The following PIGT variants were observed in gnomAD, a reference collection of about 807,000 sequenced individuals.
PIGT encodes the protein GPI-anchor transamidase component PIGT.
Under a neutral mutation model 66.7 loss-of-function variants are expected in PIGT, and 57 were observed. The observed-to-expected ratio is 0.86, with a 90% CI of 0.69 to 1.07. The LOEUF (loss-of-function observed/expected upper bound fraction) is 1.07, where lower values mean the gene tolerates loss of function less well. Among genes scored for constraint, PIGT ranks in the 50% least tolerant of loss-of-function variants. The pLI, the probability that PIGT is intolerant of heterozygous loss-of-function variation, is 0.00. For synonymous variants in PIGT, 362 were observed against 320.5 expected (o/e 1.13, Z -1.38); for missense variants, 725 against 740.4 (o/e 0.98, Z 0.24).
At position 45,418,558 on chromosome 20, in the gene PIGT, G is replaced by A. The variant is rs1990134096; in HGVS notation, c.366-294G>A. The A allele has an allele frequency of 1.3e-5, 5 of 381,580 alleles. No individual in the cohort carries two copies. In the East Asian group the frequency reaches 3.3e-4, roughly 25 times the overall value. The allele number at this position is 381,580 out of a possible 1,614,324, so 23.6% of individuals were successfully genotyped here. On this transcript the variant is annotated intron_variant, in intron 2 of 11. Coordinates refer to ENST00000279036, the MANE Select transcript of PIGT (RefSeq NM_015937.6). ...GAGGTAAGCACTGGAGCCGGATCATGAAGGTAGGCAGAAAGAAGTTAGCAA... is the reference window on the plus strand; with the variant it reads ...GAGGTAAGCACTGGAGCCGGATCATAAAGGTAGGCAGAAAGAAGTTAGCAA...
intron 9 of PIGT, chr20:45,421,968 G>A (rs1379527127): frequency 6.3e-6 from 1 of 159,584 alleles, no homozygotes; most frequent in Admixed American, 6.4e-5. Flanking sequence ...AGCTGGAGTA[G>A]ATGGTGTTTT....
intron 8 of PIGT, 151 bp from the exon 9 acceptor site, chr20:45,421,232 A>G: frequency 6.3e-6 from 4 of 635,308 alleles, no homozygotes; most frequent in Non-Finnish European, 5.4e-6. Flanking sequence ...GAAGACAGGG[A>G]TGATTCCAGA....
chr20:45,416,405 G>A, intron 1 of PIGT, 62 bp downstream of exon 1: 8 of 1,552,388 alleles, frequency 5.2e-6, no homozygotes, highest in Non-Finnish European at 7.0e-6. Flanking sequence ...GGCCGGCCGT[G>A]GGATGAAGGC....
chr20:45,416,479 A>T (rs1989981116), intron 1 of PIGT, 38 bp from the exon 2 acceptor site: 2 of 1,599,696 alleles, frequency 1.3e-6, no homozygotes, highest in African/African-American at 1.3e-5. Context: ...GACCCCGACG[A>T]GGTGGGGATC....
Position 45,426,083 on chromosome 20 carries a change from C to A in PIGT, c.*257C>A. On this transcript the variant is annotated 3_prime_UTR_variant, in exon 12 of 12. Coordinates refer to ENST00000279036, the MANE Select transcript of PIGT (RefSeq NM_015937.6). Reference sequence around the variant, plus strand: ...GAGGTGCTCAATAAGCAAAAGTGGTCGGTGGCTGCTGTATTGGACAGCACA... The same window carrying A: ...GAGGTGCTCAATAAGCAAAAGTGGTAGGTGGCTGCTGTATTGGACAGCACA... 3 of 551,938 alleles carry A rather than the reference C, an allele frequency of 5.4e-6. No individual in the cohort carries two copies. The South Asian group carries it at 6.6e-5, about 12-fold the overall frequency. The allele number at this position is 551,938 out of a possible 1,614,324, so 34.2% of individuals were successfully genotyped here. A position where few individuals can be genotyped will look rare whatever the true frequency, so the allele number is the denominator to read the frequency against.
chr20:45,425,625 G>C lies in PIGT; in HGVS notation c.1536G>C (p.Pro512=). The C allele has an allele frequency of 6.2e-7, 1 of 1,613,918 alleles. No individual in the cohort carries two copies. The highest frequency in any genetic ancestry group is 8.5e-7 in the Non-Finnish European group (1 of 1,179,954). Residue 512 remains proline (P), a synonymous_variant, in exon 12 of 12, where the codon CCG becomes CCC. Coordinates refer to ENST00000279036, the MANE Select transcript of PIGT (RefSeq NM_015937.6). ...SNYFVRLYTE[P]LLVNLPTPDF... ...ACTTTGTGCGGCTCTACACGGAGCC[G>C]CTGCTGGTGAACCTGCCGACACCGG...
chr20:45,424,421 C>T (rs1298311183), intron 10 of PIGT, 40 bp downstream of exon 10: 1 of 1,613,596 alleles, frequency 6.2e-7, no homozygotes, highest in African/African-American at 1.3e-5. Context: ...ATCCCCCTGA[C>T]CTACCCTTTC....
Position 45,416,641 on chromosome 20 carries a change from G to T in PIGT, c.312G>T (p.Leu104=), listed in dbSNP as rs762795664. 6.2e-7 allele frequency: 1 copy of T among 1,614,124 alleles called. No homozygotes were observed. Among genetic ancestry groups the T allele is most frequent in the Non-Finnish European group, 8.5e-7 (1 of 1,180,012 alleles). The change falls in exon 2 of 12, where the codon CTG becomes CTT. Residue 104 remains leucine, a synonymous_variant. Coordinates refer to ENST00000279036, the MANE Select transcript of PIGT (RefSeq NM_015937.6). The part of the protein sequence containing the change: ...WRTRYWGPPF[L]QAPSGAELWV... Reference sequence around the variant, plus strand: ...CCCGATACTGGGGGCCACCCTTCCTGCAGGCCCCATCAGGTGCAGAGCTGT... The same window carrying T: ...CCCGATACTGGGGGCCACCCTTCCTTCAGGCCCCATCAGGTGCAGAGCTGT...
intron 11 of PIGT, 185 bp from the exon 12 acceptor site, chr20:45,425,389 T>TCCCCC: frequency 2.2e-6 from 1 of 457,826 alleles, no homozygotes; most frequent in South Asian, 2.0e-5. Context: ...TCCCTCCCCT[T>TCCCCC]GCCCCCCGCC....
intron 8 of PIGT, 107 bp from the exon 9 acceptor site, chr20:45,421,272 CTGTT>C (rs1489922768): frequency 1.3e-5 from 10 of 760,254 alleles, no homozygotes; most frequent in Non-Finnish European, 1.9e-5. Flanking sequence ...AGTGGCAGGG[CTGTT>C]CCCCATCTAC....
At chr20:45,419,933 T>G (rs1354159903) in intron 5 of PIGT, 3 of 606,402 alleles carry the variant, frequency 4.9e-6, no homozygotes, top group African/African-American at 3.7e-5. Flanking sequence ...CTCCTAGGGT[T>G]GTTGTGATAG....
At position 45,416,164 on chromosome 20, in the gene PIGT, C is replaced by A; in HGVS notation, c.8C>A (p.Ala3Glu). ...GCGGAAGTAGCCGCAGGCATGGCGG[C>A]GGCTATGCCGCTTGCTCTGCTCGTC... MAAAMPLALLVLL... is the reference protein window; with the variant it reads MAEAMPLALLVLL... Residue 3 changes from alanine to glutamate, a missense_variant, in exon 1 of 12, where the codon GCG (alanine) becomes GAG (glutamate). Around this residue, in one of 3 missense-constraint regions of PIGT, gnomAD observed 559 missense variants for 552.7 expected, o/e 1.01. Transcript: ENST00000279036. 1.3e-6 allele frequency: 2 copies of A among 1,563,286 alleles called. No homozygotes were observed. Among genetic ancestry groups the A allele is most frequent in the Non-Finnish European group, 1.7e-6 (2 of 1,156,244 alleles).
chr20:45,419,177 C>T, intron 3 of PIGT, 118 bp from the exon 4 acceptor site: 1 of 1,079,944 alleles, frequency 9.3e-7, no homozygotes, highest in South Asian at 1.4e-5. Context: ...TTGGGACTGT[C>T]CAGACTGTGG....
chr20:45,424,081 T>C, intron 9 of PIGT, 135 bp from the exon 10 acceptor site: 1 of 719,714 alleles, frequency 1.4e-6, no homozygotes, highest in Non-Finnish European at 2.4e-6. Flanking sequence ...TTTCTTCCCT[T>C]GCCTGCCTGG....
Position 45,425,841 on chromosome 20 carries a change from A to G in PIGT, c.*15A>G. ...CCCCACTCTGATTCTTGCCCTTTCC[A>G]GCAGCTGCAGCTGCCGTTTCTCTCT... On this transcript the variant is annotated 3_prime_UTR_variant, in exon 12 of 12. Coordinates refer to ENST00000279036, the MANE Select transcript of PIGT (RefSeq NM_015937.6). 1 of 1,606,798 alleles carries G rather than the reference A, an allele frequency of 6.2e-7. No homozygotes were observed. Among genetic ancestry groups the G allele is most frequent in the South Asian group, 1.1e-5 (1 of 90,818 alleles).
chr20:45,425,899 T>G lies in PIGT; in HGVS notation c.*73T>G. On this transcript the variant is annotated 3_prime_UTR_variant, in exon 12 of 12. Coordinates refer to ENST00000279036, the MANE Select transcript of PIGT (RefSeq NM_015937.6). ...GGAGCCCAAGGGCTGTTTCTGCCAC[T>G]TGCTCTCCTCAGAGTTGGCTTTTGA... 6.5e-7 allele frequency: 1 copy of G among 1,540,560 alleles called. No individual in the cohort carries two copies. The highest frequency in any genetic ancestry group is 1.2e-5 in the South Asian group (1 of 80,832).
chr20:45,423,032 C>A (rs1032909741), intron 9 of PIGT: 1 of 148,938 alleles, frequency 6.7e-6, no homozygotes, highest in Non-Finnish European at 1.5e-5. Flanking sequence ...CATTGTGAGG[C>A]TCCCCCTACC....
At chr20:45,424,156 C>CA in intron 9 of PIGT, 60 bp from the exon 10 acceptor site, 1 of 1,503,554 alleles carries the variant, frequency 6.7e-7, no homozygotes, top group East Asian at 2.3e-5. Flanking sequence ...GCAGCAGGGA[C>CA]AGGGGCAGCA....
chr20:45,417,984 G>GC (rs1990093950), intron 2 of PIGT: 1 of 152,142 alleles, frequency 6.6e-6, no homozygotes, highest in African/African-American at 2.4e-5. Context: ...TCTTCCCTCA[G>GC]CCCGTAATTG....
Sources: gnomAD v4.1 joint callset for allele counts on GRCh38, gnomAD v4.1.1 for gene constraint, gnomAD v4.1.1 regional missense constraint, MANE v1.5 for transcripts, NCBI Gene and HGNC (gene_info 2026-07-23, HGNC 2026-07-21) for gene names.